Variants in DNAI3 observed in about 807,000 individuals in gnomAD.
DNAI3 encodes WD repeat domain 63.
Under a neutral mutation model 115.5 loss-of-function variants are expected in DNAI3, and 83 were observed. That is an observed-to-expected ratio of 0.72 (90% confidence interval 0.60 to 0.86). DNAI3 has a LOEUF of 0.86. DNAI3 is among the 40% of genes least tolerant of loss of function. DNAI3 has a pLI of 0.00. For missense variants in DNAI3, 1,004 were observed against 1,075.8 expected (o/e 0.93, Z 0.93); for synonymous variants, 320 against 347.0 (o/e 0.92, Z 0.86).
intron 20 of DNAI3, among the ~76,000 whole-genome samples, chr1:85,128,108 G>C (rs1368687843): frequency 8.3e-6 from 1 of 120,308 alleles, no homozygotes. Context: ...CTGGGCCACA[G>C]CGGGGAGACC....
At chr1:85,125,603 T>C (rs1656112395) in intron 19 of DNAI3, among the ~76,000 whole-genome samples, 1 of 152,004 alleles carries the variant, frequency 6.6e-6, no homozygotes, top group East Asian at 1.9e-4. Flanking sequence ...TCAGGCATGA[T>C]TGTCCAAAGA....
chr1:85,070,260 C>CA (rs1206501161), intron 1 of DNAI3, among the ~76,000 whole-genome samples: 2 of 151,350 alleles, frequency 1.3e-5, no homozygotes, highest in Non-Finnish European at 2.9e-5. Flanking sequence ...AACTCTGTCT[C>CA]AAAAAAAATA....
At chr1:85,096,223 C>A (rs367981077) in intron 11 of DNAI3, among the ~76,000 whole-genome samples, 2 of 152,070 alleles carry the variant, frequency 1.3e-5, no homozygotes, top group African/African-American at 4.8e-5. Context: ...CGGGGTAACC[C>A]AGCTTCAAAA....
chr1:85,088,982 AAAAAATG>A (rs923645552), intron 7 of DNAI3, among the ~76,000 whole-genome samples: 2 of 152,184 alleles, frequency 1.3e-5, no homozygotes, highest in African/African-American at 4.8e-5. Context: ...AAACAAGGAA[AAAAAATG>A]AATTATTCTA....
chr1:85,087,282 G>T (rs954415244), intron 7 of DNAI3, among the ~76,000 whole-genome samples: 1 of 151,300 alleles, frequency 6.6e-6, no homozygotes, highest in Non-Finnish European at 1.5e-5. Flanking sequence ...CTAAAAATAC[G>T]CAAATTAGCC....
chr1:85,088,576 C>A (rs943296241), intron 7 of DNAI3, among the ~76,000 whole-genome samples: 2 of 152,096 alleles, frequency 1.3e-5, no homozygotes, highest in Non-Finnish European at 2.9e-5. Context: ...ACATACCAGG[C>A]ATTCTTCTAA....
chr1:85,081,586 A>G (rs929288170), intron 4 of DNAI3, among the ~76,000 whole-genome samples, 171 bp downstream of exon 4: 1 of 152,178 alleles, frequency 6.6e-6, no homozygotes, highest in Non-Finnish European at 1.5e-5. Context: ...GTGAAAAGCA[A>G]AGTTCCATCA....
At chr1:85,108,300 A>G in intron 15 of DNAI3, 123 bp downstream of exon 15, 1 of 1,089,746 alleles carries the variant, frequency 9.2e-7, no homozygotes, top group Non-Finnish European at 1.2e-6. Flanking sequence ...ACAAGACTGT[A>G]CAATTTGTGT....
intron 1 of DNAI3, among the ~76,000 whole-genome samples, chr1:85,069,624 G>A (rs969342669): frequency 1.3e-5 from 2 of 151,890 alleles, no homozygotes; most frequent in African/African-American, 2.4e-5. Flanking sequence ...CTGACCTCGC[G>A]ATCCACCCAC....
At chr1:85,095,293 G>A (rs1416058487) in intron 10 of DNAI3, among the ~76,000 whole-genome samples, 3 of 152,126 alleles carry the variant, frequency 2.0e-5, no homozygotes. Flanking sequence ...TTTCTAAAAA[G>A]TATTCATAAT....
intron 20 of DNAI3, among the ~76,000 whole-genome samples, chr1:85,127,836 C>T (rs902949769): frequency 2.0e-5 from 3 of 151,986 alleles, no homozygotes; most frequent in African/African-American, 7.3e-5. Flanking sequence ...ATTCTCAGGC[C>T]GGGCATGGTG....
intron 6 of DNAI3, among the ~76,000 whole-genome samples, chr1:85,084,976 G>T (rs1654755626): frequency 6.6e-6 from 1 of 152,178 alleles, no homozygotes; most frequent in South Asian, 2.1e-4. Context: ...TTAAGATGAG[G>T]TCATACTGGA....
chr1:85,091,752 C>T (rs891501039), intron 8 of DNAI3, among the ~76,000 whole-genome samples: 3 of 152,118 alleles, frequency 2.0e-5, no homozygotes, highest in African/African-American at 4.8e-5. Flanking sequence ...ACCTTCCTTT[C>T]GGGGTTAAAA....
intron 17 of DNAI3, among the ~76,000 whole-genome samples, chr1:85,118,312 C>T (rs1019608427): frequency 1.3e-5 from 2 of 152,078 alleles, no homozygotes; most frequent in Admixed American, 1.3e-4. Context: ...GTAATAATAA[C>T]CAAAGCGAGT....
At chr1:85,063,477 A>G (rs1020308777) in intron 1 of DNAI3, among the ~76,000 whole-genome samples, 3 of 152,326 alleles carry the variant, frequency 2.0e-5, no homozygotes, top group Non-Finnish European at 2.9e-5. Flanking sequence ...ACTGAAGGCC[A>G]TACTTATGTG....
chr1:85,124,851 C>A (rs1656088064), intron 19 of DNAI3, among the ~76,000 whole-genome samples: 1 of 152,108 alleles, frequency 6.6e-6, no homozygotes, highest in Non-Finnish European at 1.5e-5. Flanking sequence ...ATTTTTCCTC[C>A]CTTGGAAATA....
chr1:85,102,991 A>G (rs577118127), intron 13 of DNAI3, among the ~76,000 whole-genome samples: 2 of 152,282 alleles, frequency 1.3e-5, no homozygotes, highest in East Asian at 3.9e-4. Flanking sequence ...AGGTAACACC[A>G]TGCAGGTTCT....
At position 85,082,410 on chromosome 1, in the gene DNAI3, C is replaced by G. The variant is rs77263744; in HGVS notation, c.390+6C>G. ...GCAAAGAAAACTATTTAAATGTGAG[C>G]AAACCCCAAGCCCTTGTAATTTGTT... is the stretch of plus-strand genomic sequence containing the variant. On this transcript the variant is annotated splice_donor_region_variant and intron_variant, in intron 5 of 22. Coordinates refer to ENST00000294664, the MANE Select transcript of DNAI3 (RefSeq NM_145172.5). The G allele has an allele frequency of 1.3e-6, 2 of 1,598,620 alleles. No individual in the cohort carries two copies. The highest frequency in any genetic ancestry group is 1.7e-6 in the Non-Finnish European group (2 of 1,166,378).
chr1:85,126,238 G>A (rs1037293654), intron 19 of DNAI3, among the ~76,000 whole-genome samples: 1 of 152,178 alleles, frequency 6.6e-6, no homozygotes. Context: ...GCAGTAGTGG[G>A]TTTAGAAGTT....
Sources: allele counts gnomAD v4.1 joint callset (sites outside exome capture counted in the v4.1 genomes callset), GRCh38; gene constraint gnomAD v4.1.1; transcripts MANE v1.5; gene names NCBI Gene and HGNC (gene_info 2026-07-23, HGNC 2026-07-21).